ZNF487: variants seen among roughly 807,000 people sequenced by gnomAD.
ZNF487 encodes the protein KRAB domain only 1.
ZNF487 carries 4 observed loss-of-function variants against 3.0 expected under a neutral mutation model. That is an observed-to-expected ratio of 1.35 (90% confidence interval 0.66 to 3.08). The LOEUF (loss-of-function observed/expected upper bound fraction) is 3.08, where lower values mean the gene tolerates loss of function less well. Ranked by LOEUF, ZNF487 falls within the 30% of genes most tolerant of loss-of-function variation. The pLI is 0.01. For missense variants in ZNF487, 146 were observed against 98.7 expected, an observed-to-expected ratio of 1.48 and a Z score of -2.03; for synonymous variants, 55 against 34.6, an observed-to-expected ratio of 1.59 and a Z score of -2.06.
chr10:43,515,821 CTG>C, the ZNF487 span, among the ~76,000 whole-genome samples: 1 of 152,120 alleles, frequency 6.6e-6, no homozygotes, highest in African/African-American at 2.4e-5. Context: ...GGCCGCCAGG[CTG>C]GAGTGCAGCG....
At chr10:43,465,166 AAGGGGCGGC>A (rs1840636780) in intron 1 of ZNF487, among the ~76,000 whole-genome samples, 3 of 111,458 alleles carry the variant, frequency 2.7e-5, no homozygotes, top group Non-Finnish European at 3.6e-5. Context: ...TCCCTCCCGG[AAGGGGCGGC>A]TGGCCGGGCG....
At chr10:43,454,831 G>T (rs946561356) in intron 1 of ZNF487, among the ~76,000 whole-genome samples, 1 of 149,302 alleles carries the variant, frequency 6.7e-6, no homozygotes, top group Non-Finnish European at 1.5e-5. Context: ...TGCAGGGAGT[G>T]AATCATGCCA....
At chr10:43,476,843 G>C (rs1554800290) in intron 3 of ZNF487, among the ~76,000 whole-genome samples, 1 of 152,148 alleles carries the variant, frequency 6.6e-6, no homozygotes, top group Non-Finnish European at 1.5e-5. Context: ...GAGACTGCTC[G>C]CTGAGGTGCC....
In ZNF487 at chr10:43,457,912, C is replaced by T. The variant is rs532780011; in HGVS notation, c.-93-17809C>T. 4.0e-5 allele frequency among the ~76,000 whole-genome samples: 6 copies of T among 151,666 alleles called. No homozygotes were observed. The South Asian group carries it at 1.2e-3, about 32-fold the overall frequency. On this transcript the variant is annotated intron_variant, in intron 1 of 3. Transcript: ENST00000437590. Reference sequence around the variant, plus strand: ...TGGCGGGCGCCTGTAGTCCCAGCTACTCGGGAGGCTGAGGCAGGCGACTGG... The same window carrying T: ...TGGCGGGCGCCTGTAGTCCCAGCTATTCGGGAGGCTGAGGCAGGCGACTGG...
At chr10:43,475,971 A>G in intron 2 of ZNF487, 124 bp downstream of exon 2, 1 of 650,740 alleles carries the variant, frequency 1.5e-6, no homozygotes, top group Non-Finnish European at 2.8e-6. Context: ...AGCTTGATTG[A>G]TCCCTTCTGG....
chr10:43,475,941 G>C, intron 2 of ZNF487, 94 bp downstream of exon 2: 1 of 654,540 alleles, frequency 1.5e-6, no homozygotes, highest in Non-Finnish European at 2.8e-6. Context: ...TGAGTTAAAG[G>C]CTTGAGACTC....
chr10:43,493,484 T>G, the ZNF487 span, among the ~76,000 whole-genome samples: 3,663 of 151,582 alleles, frequency 0.024, 147 homozygotes, highest in African/African-American at 0.085. Flanking sequence ...TGCCTGAGAC[T>G]AGGAGTTCAG....
intron 1 of ZNF487, among the ~76,000 whole-genome samples, chr10:43,465,123 CGGCTGGCCGGGCGGGG>C (rs1235013234): frequency 8.8e-6 from 1 of 113,504 alleles, no homozygotes; most frequent in Non-Finnish European, 1.8e-5. Context: ...CCGGATGGGG[CGGCTGGCCGGGCGGGG>C]GGCTGACCCG....
downstream of ZNF487, among the ~76,000 whole-genome samples, chr10:43,487,926 AT>A (rs1841483873): frequency 7.2e-6 from 1 of 138,990 alleles, no homozygotes; most frequent in African/African-American, 2.7e-5. Flanking sequence ...CTCTACCAAA[AT>A]ACAAAAAAAA....
At chr10:43,514,671 C>T in the ZNF487 span, among the ~76,000 whole-genome samples, 2 of 152,188 alleles carry the variant, frequency 1.3e-5, no homozygotes, top group Admixed American at 1.3e-4. Context: ...TTGAGTGCTG[C>T]CACTTGGCCC....
the ZNF487 span, among the ~76,000 whole-genome samples, chr10:43,490,235 CCAGCTACTCGGGAGGCTGAGG>C: frequency 6.6e-6 from 1 of 151,926 alleles, no homozygotes; most frequent in East Asian, 1.9e-4. Flanking sequence ...GCCTGTAATC[CCAGCTACTCGGGAGGCTGAGG>C]CAGGAGAATT....
chr10:43,437,667 G>T (rs1196239726), intron 1 of ZNF487, among the ~76,000 whole-genome samples: 1 of 152,110 alleles, frequency 6.6e-6, no homozygotes, highest in Non-Finnish European at 1.5e-5. Context: ...TTAAGAGTCA[G>T]AAACTTGCAC....
Position 43,482,456 on chromosome 10 carries a change from C to T in ZNF487, c.*534C>T, listed in dbSNP as rs1266961727. On this transcript the variant is annotated 3_prime_UTR_variant, in exon 4 of 4. Coordinates refer to ENST00000437590, the MANE Select transcript of ZNF487 (RefSeq NM_001355444.3). ...GAAAACTTTTGGATATAGGTCATGC[C>T]TTGCAGTACATCAAAGAACACACAC... is the stretch of plus-strand genomic sequence containing the variant. 2.1e-6 allele frequency: 1 copy of T among 470,460 alleles called. No homozygotes were observed. The highest frequency in any genetic ancestry group is 4.3e-6 in the Non-Finnish European group (1 of 230,626). The allele number at this position is 470,460 out of a possible 1,614,324, so 29.1% of individuals were successfully genotyped here. A position where few individuals can be genotyped will look rare whatever the true frequency, so the allele number is the denominator to read the frequency against.
At chr10:43,464,191 T>G (rs1031535124) in intron 1 of ZNF487, among the ~76,000 whole-genome samples, 5 of 150,456 alleles carry the variant, frequency 3.3e-5, no homozygotes, top group African/African-American at 9.7e-5. Context: ...TCTTTTTTTT[T>G]TTTTTGTTTT....
At chr10:43,517,892 G>A in the ZNF487 span, among the ~76,000 whole-genome samples, 15 of 152,148 alleles carry the variant, frequency 9.9e-5, no homozygotes, top group African/African-American at 3.6e-4. Context: ...ACAGAAATAG[G>A]AGTTTCTAGA....
the ZNF487 span, among the ~76,000 whole-genome samples, chr10:43,493,596 T>C: frequency 1.4e-5 from 2 of 147,052 alleles, no homozygotes; most frequent in African/African-American, 5.1e-5. Flanking sequence ...GAGGTTGAAG[T>C]GGGAGGATCA....
intron 1 of ZNF487, among the ~76,000 whole-genome samples, chr10:43,461,163 C>T (rs896124732): frequency 6.6e-6 from 1 of 152,070 alleles, no homozygotes; most frequent in African/African-American, 2.4e-5. Flanking sequence ...TTAGCCACCA[C>T]ACCCGGCTAA....
chr10:43,466,837 C>T (rs868717543), intron 1 of ZNF487, among the ~76,000 whole-genome samples: 6 of 152,164 alleles, frequency 3.9e-5, no homozygotes, highest in Admixed American at 1.3e-4. Context: ...TTCATGCTTA[C>T]TAGCATGCAT....
the ZNF487 span, among the ~76,000 whole-genome samples, chr10:43,510,392 A>C: frequency 2.0e-5 from 3 of 152,204 alleles, no homozygotes; most frequent in East Asian, 5.8e-4. Context: ...GTAGTTTCCC[A>C]TTGATCTAAT....
Sources: gnomAD v4.1 joint callset for allele counts (sites outside exome capture counted in the v4.1 genomes callset) on GRCh38, gnomAD v4.1.1 for gene constraint, MANE v1.5 for transcripts, NCBI Gene and HGNC (gene_info 2026-07-23, HGNC 2026-07-21) for gene names.